The following ZFPM2 variants were observed in gnomAD, a reference collection of about 807,000 sequenced individuals.
ZFPM2 encodes the protein zinc finger protein, FOG family member 2, also known as zinc finger protein ZFPM2.
In ZFPM2, 20 loss-of-function variants were observed where a neutral mutation model predicts 98.6. The ratio of observed to expected loss-of-function variants is 0.20; its 90% confidence interval spans 0.14 to 0.29. The LOEUF is 0.29. Among genes scored for constraint, ZFPM2 ranks in the 10% least tolerant of loss-of-function variants. ZFPM2 has a pLI of 1.00. For missense variants in ZFPM2, 1,310 were observed against 1,388.6 expected, an observed-to-expected ratio of 0.94 and a Z score of 0.90; for synonymous variants, 518 against 502.7, an observed-to-expected ratio of 1.03 and a Z score of -0.41.
At chr8:105,795,283 T>G (rs1336113193) in intron 6 of ZFPM2, among the ~76,000 whole-genome samples, 6 of 150,106 alleles carry the variant, frequency 4.0e-5, no homozygotes, top group African/African-American at 5.0e-5. Context: ...TGTGTGTGTG[T>G]GGTCAATTGT....
chr8:105,498,119 G>A (rs1813513873), intron 3 of ZFPM2, among the ~76,000 whole-genome samples: 3 of 151,674 alleles, frequency 2.0e-5, no homozygotes, highest in African/African-American at 7.3e-5. Flanking sequence ...GATCACTTGA[G>A]CCCAGGAGGT....
intron 5 of ZFPM2, among the ~76,000 whole-genome samples, chr8:105,683,884 T>C (rs1199035306): frequency 2.0e-5 from 3 of 152,186 alleles, no homozygotes; most frequent in Admixed American, 6.6e-5. Flanking sequence ...AGACTGTGTG[T>C]TCATTTTTGT....
chr8:105,744,066 T>A lies in ZFPM2; in HGVS notation c.533-44652T>A, dbSNP rs1396196660. Among the ~76,000 whole-genome samples, 5 of 152,114 alleles carry A rather than the reference T, an allele frequency of 3.3e-5. No homozygotes were observed. In the East Asian group the frequency reaches 9.7e-4, roughly 29 times the overall value. ...AATCTTAAAAACATTAAAAACATCA[T>A]AAATATGCATGTTGTAGACATGCAA... On this transcript the variant is annotated intron_variant, in intron 5 of 7. Transcript: ENST00000407775.
In ZFPM2 at chr8:105,715,408, G is replaced by GA. The variant is rs201460894; in HGVS notation, c.533-73293dup. 1.9e-3 allele frequency among the ~76,000 whole-genome samples: 205 copies of GA among 109,674 alleles called. 2 individuals carry two copies. The highest frequency in any genetic ancestry group is 0.012 in the East Asian group (40 of 3,364). 72.0% of individuals were successfully genotyped at this position (109,674 alleles called of 152,430 possible). ...GCTATAGAGTGAGACCCCATCTCTT[G>GA]AAAAAAAAAAAAAAAAAGAGAGACG... On this transcript the variant is annotated intron_variant, in intron 5 of 7. Coordinates refer to ENST00000407775, the MANE Select transcript of ZFPM2 (RefSeq NM_012082.4).
At position 105,533,698 on chromosome 8, in the gene ZFPM2, C is replaced by T. The variant is rs1223113712; in HGVS notation, c.302-27665C>T. ...CGTTCCTTCCCTCCGTCCTTCCCTC[C>T]CTCCCTCCCTCCTTACTTTCTCCCT... On this transcript the variant is annotated intron_variant, in intron 3 of 7. Transcript: ENST00000407775. Among the ~76,000 whole-genome samples the T allele has an allele frequency of 5.2e-5, 7 of 134,190 alleles. No homozygotes were observed. In the East Asian group the frequency reaches 1.7e-3, roughly 32 times the overall value. The allele number at this position is 134,190 out of a possible 152,430, so 88.0% of individuals were successfully genotyped here.
chr8:105,449,502 T>G (rs563104098), intron 3 of ZFPM2, among the ~76,000 whole-genome samples: 2 of 152,108 alleles, frequency 1.3e-5, no homozygotes, highest in African/African-American at 4.8e-5. Context: ...TATTGATGAT[T>G]TGATGAATTA....
chr8:105,479,039 C>T (rs1372249105), intron 3 of ZFPM2, among the ~76,000 whole-genome samples: 2 of 152,130 alleles, frequency 1.3e-5, no homozygotes, highest in Non-Finnish European at 2.9e-5. Context: ...TATTTTTTTA[C>T]AGAAAGTATA....
chr8:105,633,120 T>A (rs1038707150), intron 4 of ZFPM2, among the ~76,000 whole-genome samples: 7 of 152,224 alleles, frequency 4.6e-5, no homozygotes, highest in Non-Finnish European at 7.3e-5. Context: ...TTTTCCAGAT[T>A]CCTGAAAGTT....
chr8:105,505,770 A>G (rs867697654), intron 3 of ZFPM2, among the ~76,000 whole-genome samples: 1 of 152,176 alleles, frequency 6.6e-6, no homozygotes, highest in African/African-American at 2.4e-5. Flanking sequence ...TAGCCAATTT[A>G]TACACAAAAG....
At position 105,528,199 on chromosome 8, in the gene ZFPM2, A is replaced by C. The variant is rs1341759615; in HGVS notation, c.302-33164A>C. Among the ~76,000 whole-genome samples the C allele has an allele frequency of 2.6e-5, 4 of 152,254 alleles. No individual in the cohort carries two copies. The Middle Eastern group carries it at 0.01, about 388-fold the overall frequency. On this transcript the variant is annotated intron_variant, in intron 3 of 7. Transcript: ENST00000407775. Reference sequence around the variant, plus strand: ...GGGTGTATTTTGAGCTTGGATCTTGAAGGATGAGTGGGTGTTTCAGTTGAT... The same window carrying C: ...GGGTGTATTTTGAGCTTGGATCTTGCAGGATGAGTGGGTGTTTCAGTTGAT...
chr8:105,507,405 G>A (rs150291305), intron 3 of ZFPM2, among the ~76,000 whole-genome samples: 301 of 152,274 alleles, frequency 2.0e-3, no homozygotes, highest in African/African-American at 6.1e-3. Context: ...GGGAAGGAAC[G>A]TGGTGTTTGG....
rs527513294 is a variant in ZFPM2 at position 105,499,860 on chromosome 8, G to A, written c.301+55479G>A. ...GTTTGGAGCATGGGTGATTAGAAAT[G>A]TAGGATTTGCAATGACAGGATTAGA... On this transcript the variant is annotated intron_variant, in intron 3 of 7. Transcript: ENST00000407775. Among the ~76,000 whole-genome samples the A allele has an allele frequency of 2.0e-5, 3 of 152,284 alleles. No individual in the cohort carries two copies. The South Asian group carries it at 6.2e-4, about 32-fold the overall frequency.
At chr8:105,418,737 A>G (rs1278338986) in intron 1 of ZFPM2, 3 of 487,704 alleles carry the variant, frequency 6.2e-6, no homozygotes, top group African/African-American at 2.0e-5. Flanking sequence ...ATTACTTTAA[A>G]TCTTTATTAA....
At chr8:105,331,494 G>T (rs1812233400) in intron 1 of ZFPM2, among the ~76,000 whole-genome samples, 1 of 151,638 alleles carries the variant, frequency 6.6e-6, no homozygotes, top group Admixed American at 6.6e-5. Context: ...CTATACTGTG[G>T]TTAGTACCAA....
At chr8:105,731,719 T>G (rs1811943487) in intron 5 of ZFPM2, among the ~76,000 whole-genome samples, 1 of 151,698 alleles carries the variant, frequency 6.6e-6, no homozygotes, top group South Asian at 2.1e-4. Context: ...AAGGAATTTG[T>G]TGTAAGTTCA....
chr8:105,382,313 C>G (rs1456219684), intron 1 of ZFPM2, among the ~76,000 whole-genome samples: 2 of 151,766 alleles, frequency 1.3e-5, no homozygotes, highest in African/African-American at 2.4e-5. Flanking sequence ...ATTAGATAAC[C>G]TTACAGGGAA....
In ZFPM2 at chr8:105,653,854, C is replaced by CTT. The variant is rs60218363; in HGVS notation, c.532+19529_532+19530dup. ...CTTTATACAACAGCTTGTGTGCTAT[C>CTT]TTTTTTTTTTTTTTTTTTTTTTTTT... On this transcript the variant is annotated intron_variant, in intron 5 of 7. Transcript: ENST00000407775. Among the ~76,000 whole-genome samples, 125 of 35,290 alleles carry CTT rather than the reference C, an allele frequency of 3.5e-3. 22 individuals carry two copies. The highest frequency in any genetic ancestry group is 6.3e-3 in the East Asian group (7 of 1,116). 23.2% of individuals were successfully genotyped at this position (35,290 alleles called of 152,430 possible). A position where few individuals can be genotyped will look rare whatever the true frequency, so the allele number is the denominator to read the frequency against.
chr8:105,565,799 G>C (rs1011270254), intron 4 of ZFPM2, among the ~76,000 whole-genome samples: 2 of 152,134 alleles, frequency 1.3e-5, no homozygotes, highest in Non-Finnish European at 2.9e-5. Context: ...ATAAACCTTG[G>C]CGTTAGGGGA....
chr8:105,368,186 T>C (rs1421802221), intron 1 of ZFPM2, among the ~76,000 whole-genome samples: 2 of 145,738 alleles, frequency 1.4e-5, no homozygotes, highest in Non-Finnish European at 3.0e-5. Context: ...TCTAAAATTC[T>C]CTTTTTTGGT....
Sources: allele counts gnomAD v4.1 joint callset (sites outside exome capture counted in the v4.1 genomes callset), GRCh38; gene constraint gnomAD v4.1.1; transcripts MANE v1.5; gene names NCBI Gene and HGNC (gene_info 2026-07-23, HGNC 2026-07-21).